FERMT2: variants seen among roughly 807,000 people sequenced by gnomAD.
FERMT2 encodes FERM domain containing kindlin 2.
A neutral mutation model predicts 82.7 loss-of-function variants in FERMT2; 15 were observed. The ratio of observed to expected loss-of-function variants is 0.18; its 90% CI spans 0.12 to 0.28. FERMT2 has a LOEUF of 0.28. FERMT2 is among the 10% of genes least tolerant of loss of function. FERMT2 has a pLI of 1.00. For missense variants in FERMT2, 645 were observed against 809.4 expected (o/e 0.80, Z 2.46); for synonymous variants, 274 against 271.5 (o/e 1.01, Z -0.09).
intron 2 of FERMT2, among the ~76,000 whole-genome samples, chr14:52,949,378 T>TAAAAAAAAAAAAAAAAAAAAAAA: frequency 8.5e-6 from 1 of 118,204 alleles, no homozygotes; most frequent in Non-Finnish European, 1.8e-5. Flanking sequence ...ATGCTGTGTT[T>TAAAAAAAAAAAAAAAAAAAAAAA]AAAAAAAAAA....
At chr14:52,948,986 TAC>T (rs1890487547) in intron 2 of FERMT2, among the ~76,000 whole-genome samples, 1 of 152,220 alleles carries the variant, frequency 6.6e-6, no homozygotes, top group Non-Finnish European at 1.5e-5. Context: ...AAAAGGTTCA[TAC>T]ATATTTTGCA....
At position 52,928,881 on chromosome 14, in the gene FERMT2, A is replaced by G. The variant is rs151260500; in HGVS notation, c.158-9525T>C. Among the ~76,000 whole-genome samples the G allele has an allele frequency of 2.1e-3, 324 of 152,274 alleles. 2 individuals are homozygous for G. Among genetic ancestry groups the G allele is most frequent in the African/African-American group, 7.5e-3 (311 of 41,542 alleles). ...AAAAAGTGTCTCTTCCTGTCTATCT[A>G]AAGCCAATCCCACCTCCTACGCTCT... On this transcript the variant is annotated intron_variant, in intron 2 of 14. Transcript: ENST00000341590.
intron 2 of FERMT2, among the ~76,000 whole-genome samples, chr14:52,941,936 T>C (rs1024554661): frequency 5.9e-5 from 9 of 152,218 alleles, no homozygotes; most frequent in Non-Finnish European, 1.0e-4. Context: ...GGTACTTAAA[T>C]AGCTCTCTTA....
chr14:52,936,942 G>A (rs1001464671), intron 2 of FERMT2, among the ~76,000 whole-genome samples: 4 of 151,922 alleles, frequency 2.6e-5, no homozygotes, highest in African/African-American at 9.7e-5. Flanking sequence ...ATCACCTGAG[G>A]TCAGGAGTTG....
At chr14:52,883,283 TA>T (rs1886398213) in intron 4 of FERMT2, among the ~76,000 whole-genome samples, 1 of 152,214 alleles carries the variant, frequency 6.6e-6, no homozygotes, top group Non-Finnish European at 1.5e-5. Context: ...CCTGGGGCTT[TA>T]AAAGCTAGAT....
chr14:52,860,199 T>C (rs1407358851), intron 13 of FERMT2, 142 bp downstream of exon 13: 1 of 623,258 alleles, frequency 1.6e-6, no homozygotes, highest in Non-Finnish European at 2.6e-6. Context: ...CAAAATACAT[T>C]CTAACAGTCT....
intron 3 of FERMT2, among the ~76,000 whole-genome samples, chr14:52,914,935 C>T (rs948464220): frequency 6.7e-6 from 1 of 148,910 alleles, no homozygotes; most frequent in African/African-American, 2.5e-5. Flanking sequence ...AAATACATAA[C>T]AAAAAATAAA....
Position 52,937,852 on chromosome 14 carries a change from T to A in FERMT2, c.157+12560A>T, listed in dbSNP as rs185749745. Among the ~76,000 whole-genome samples, 3 of 152,306 alleles carry A rather than the reference T, an allele frequency of 2.0e-5. No homozygotes were observed. The East Asian group carries it at 5.8e-4, about 29-fold the overall frequency. ...TTGCTATTTTAAGTTCTGTAAGGAA[T>A]TTACTGCCCAAACTCATTAAGGATC... is the stretch of plus-strand genomic sequence containing the variant. On this transcript the variant is annotated intron_variant, in intron 2 of 14. Coordinates refer to ENST00000341590, the MANE Select transcript of FERMT2 (RefSeq NM_006832.3).
chr14:52,864,708 T>G (rs781580024), intron 11 of FERMT2, 39 bp downstream of exon 11: 2 of 1,579,856 alleles, frequency 1.3e-6, no homozygotes, highest in Non-Finnish European at 1.7e-6. Flanking sequence ...GTCAACTCAT[T>G]TAAGAAAATT....
chr14:52,923,733 C>T (rs1167374536), intron 2 of FERMT2, among the ~76,000 whole-genome samples: 1 of 151,834 alleles, frequency 6.6e-6, no homozygotes, highest in East Asian at 1.9e-4. Context: ...TACTGACTGG[C>T]AACGCTGGTA....
At chr14:52,897,714 C>T (rs1041437995) in intron 3 of FERMT2, among the ~76,000 whole-genome samples, 2 of 152,130 alleles carry the variant, frequency 1.3e-5, no homozygotes, top group African/African-American at 2.4e-5. Context: ...CGACGGCTCA[C>T]GCCTGTAATC....
intron 3 of FERMT2, among the ~76,000 whole-genome samples, chr14:52,901,236 G>A (rs1277152456): frequency 7.5e-5 from 10 of 133,870 alleles, no homozygotes; most frequent in African/African-American, 2.6e-4. Context: ...AGCCGAGATC[G>A]CGCCACTGCA....
intron 2 of FERMT2, among the ~76,000 whole-genome samples, chr14:52,945,496 C>T (rs1022620470): frequency 2.0e-5 from 3 of 151,908 alleles, no homozygotes; most frequent in Non-Finnish European, 4.4e-5. Flanking sequence ...TCAGGTGATC[C>T]ACCTGCCTCA....
At chr14:52,940,105 C>T (rs532693073) in intron 2 of FERMT2, among the ~76,000 whole-genome samples, 66 of 152,146 alleles carry the variant, frequency 4.3e-4, no homozygotes, top group Non-Finnish European at 7.1e-4. Flanking sequence ...AGAAAAGACT[C>T]CCTTCCGATT....
chr14:52,935,128 T>C (rs1027858366), intron 2 of FERMT2, among the ~76,000 whole-genome samples: 8 of 152,194 alleles, frequency 5.3e-5, no homozygotes, highest in African/African-American at 1.9e-4. Flanking sequence ...TGTTATTTAA[T>C]AAGTAAACGT....
chr14:52,860,038 C>CT (rs1266970943), intron 13 of FERMT2: 1 of 292,216 alleles, frequency 3.4e-6, no homozygotes, highest in African/African-American at 2.2e-5. Flanking sequence ...AGGATGGTCT[C>CT]TATCTCCTGA....
At chr14:52,861,327 AAG>A in intron 12 of FERMT2, 1 of 364,776 alleles carries the variant, frequency 2.7e-6, no homozygotes, top group Non-Finnish European at 4.8e-6. Flanking sequence ...TTGTAGGGAG[AAG>A]ATAAAAAGAG....
intron 4 of FERMT2, among the ~76,000 whole-genome samples, chr14:52,886,009 AT>A (rs1215994364): frequency 1.3e-5 from 2 of 152,078 alleles, no homozygotes; most frequent in Non-Finnish European, 1.5e-5. Flanking sequence ...GAAGTAACAC[AT>A]TAAAATTTTA....
intron 2 of FERMT2, among the ~76,000 whole-genome samples, chr14:52,930,180 A>C (rs1401993598): frequency 6.6e-6 from 1 of 152,202 alleles, no homozygotes; most frequent in African/African-American, 2.4e-5. Context: ...GAAGAGTGGC[A>C]GAGATTCCCC....
Sources: gnomAD v4.1 joint callset for allele counts (sites outside exome capture counted in the v4.1 genomes callset) on GRCh38, gnomAD v4.1.1 for gene constraint, MANE v1.5 for transcripts, NCBI Gene and HGNC (gene_info 2026-07-23, HGNC 2026-07-21) for gene names.